Variants in MAF observed in about 807,000 individuals in gnomAD.
The protein encoded by MAF is MAF bZIP transcription factor.
A neutral mutation model predicts 22.0 loss-of-function variants in MAF; 10 were observed. The ratio of observed to expected loss-of-function variants is 0.45; its 90% CI spans 0.28 to 0.77. MAF has a LOEUF of 0.77. Among genes scored for constraint, MAF ranks in the 30% least tolerant of loss-of-function variants. The pLI, the probability that MAF is intolerant of heterozygous loss-of-function variation, is 0.12. For missense variants in MAF, 544 were observed against 548.4 expected, an observed-to-expected ratio of 0.99 and a Z score of 0.08; for synonymous variants, 337 against 255.8, an observed-to-expected ratio of 1.32 and a Z score of -3.03.
At chr16:79,566,950 T>C in the MAF span, among the ~76,000 whole-genome samples, 1 of 152,346 alleles carries the variant, frequency 6.6e-6, no homozygotes, top group South Asian at 2.1e-4. Flanking sequence ...GGGCATTTTA[T>C]AGAGTCCTGG....
At chr16:79,399,599 T>C in the MAF span, among the ~76,000 whole-genome samples, 3 of 152,166 alleles carry the variant, frequency 2.0e-5, no homozygotes, top group African/African-American at 7.2e-5. Flanking sequence ...TTGTCACTGA[T>C]ACGCCCCAGC....
chr16:79,445,571 T>A, the MAF span, among the ~76,000 whole-genome samples: 2 of 152,210 alleles, frequency 1.3e-5, no homozygotes, highest in South Asian at 2.1e-4. Context: ...CAGGTGCCCC[T>A]TGTCCACTGC....
chr16:79,573,485 A>G, the MAF span, among the ~76,000 whole-genome samples: 7 of 152,142 alleles, frequency 4.6e-5, no homozygotes, highest in African/African-American at 1.7e-4. Context: ...TTCTTCCCCC[A>G]TATCTTCTGG....
At chr16:79,295,023 A>C in the MAF span, among the ~76,000 whole-genome samples, 1 of 137,094 alleles carries the variant, frequency 7.3e-6, no homozygotes, top group Non-Finnish European at 1.5e-5. Context: ...TACAAGAAAA[A>C]GGTTGTTAAT....
the MAF span, among the ~76,000 whole-genome samples, chr16:79,371,751 T>G: frequency 6.6e-6 from 1 of 152,210 alleles, no homozygotes; most frequent in African/African-American, 2.4e-5. Flanking sequence ...GAAACCCCTG[T>G]GCTTGGCCCA....
chr16:79,539,119 A>G, the MAF span, among the ~76,000 whole-genome samples: 1 of 152,244 alleles, frequency 6.6e-6, no homozygotes, highest in Non-Finnish European at 1.5e-5. Context: ...CTAATAAGGT[A>G]GTTACAGTGA....
chr16:79,455,573 G>A, the MAF span, among the ~76,000 whole-genome samples: 512 of 152,208 alleles, frequency 3.4e-3, 3 homozygotes, highest in African/African-American at 0.011. Context: ...AAATTTACCA[G>A]TAAATAACTT....
At chr16:79,212,005 T>G in the MAF span, 1 of 1,536,178 alleles carries the variant, frequency 6.5e-7, no homozygotes, top group Non-Finnish European at 8.7e-7. Context: ...GGGGCTGGGC[T>G]AGGCATAGGT....
At chr16:79,528,648 T>C in the MAF span, among the ~76,000 whole-genome samples, 1 of 148,760 alleles carries the variant, frequency 6.7e-6, no homozygotes, top group Non-Finnish European at 1.5e-5. Context: ...GAGATATCAA[T>C]TCGAAGGGAG....
the MAF span, among the ~76,000 whole-genome samples, chr16:79,227,636 T>C: frequency 6.8e-6 from 1 of 146,984 alleles, no homozygotes; most frequent in Admixed American, 6.8e-5. Flanking sequence ...TTCTACGTTT[T>C]GTTTTATTAC....
At chr16:79,598,165 CT>C (rs1257032192) in intron 1 of MAF, 187 of 975,266 alleles carry the variant, frequency 1.9e-4, no homozygotes, top group East Asian at 1.1e-3. Flanking sequence ...AAAAACTTTG[CT>C]TTTTTTTTTC....
the MAF span, among the ~76,000 whole-genome samples, chr16:79,217,580 T>A: frequency 2.6e-5 from 4 of 152,234 alleles, no homozygotes; most frequent in Admixed American, 6.5e-5. Context: ...CACCTTCTCA[T>A]GGACTCAACA....
the MAF span, among the ~76,000 whole-genome samples, chr16:79,322,370 C>G: frequency 6.6e-6 from 1 of 152,146 alleles, no homozygotes; most frequent in Admixed American, 6.5e-5. Flanking sequence ...TGTTAAGTGA[C>G]TGGGTCACTC....
chr16:79,373,359 C>CTTTTTTTTTT, the MAF span, among the ~76,000 whole-genome samples: 23 of 33,326 alleles, frequency 6.9e-4, 9 homozygotes, highest in Non-Finnish European at 1.3e-3. Context: ...GGACTGGTAG[C>CTTTTTTTTTT]TTTTTTTTTT....
At chr16:79,385,365 C>T in the MAF span, among the ~76,000 whole-genome samples, 10 of 152,268 alleles carry the variant, frequency 6.6e-5, no homozygotes, top group East Asian at 7.7e-4. Flanking sequence ...TTTGTCTCTG[C>T]CCGAGTGAGG....
chr16:79,476,006 G>C, the MAF span, among the ~76,000 whole-genome samples: 1 of 152,118 alleles, frequency 6.6e-6, no homozygotes, highest in African/African-American at 2.4e-5. Context: ...TAATCAGTTC[G>C]ACTTAATCAA....
chr16:79,243,384 A>G, the MAF span, among the ~76,000 whole-genome samples: 3 of 152,160 alleles, frequency 2.0e-5, no homozygotes, highest in South Asian at 4.1e-4. Flanking sequence ...AAAAGGGGAT[A>G]TCGCCACTGA....
the MAF span, among the ~76,000 whole-genome samples, chr16:79,431,144 C>A: frequency 1.1e-3 from 174 of 152,284 alleles, 1 homozygote; most frequent in African/African-American, 4.0e-3. Context: ...CATGTGCAGG[C>A]TGGATTTCCA....
the MAF span, among the ~76,000 whole-genome samples, chr16:79,419,965 A>G: frequency 6.6e-6 from 1 of 151,876 alleles, no homozygotes; most frequent in East Asian, 1.9e-4. Context: ...CTGGAGTATA[A>G]CCAGTGAATT....
Sources: gnomAD v4.1 joint callset for allele counts (sites outside exome capture counted in the v4.1 genomes callset) on GRCh38, gnomAD v4.1.1 for gene constraint, MANE v1.5 for transcripts, NCBI Gene and HGNC (gene_info 2026-07-23, HGNC 2026-07-21) for gene names.